Variants in ZNF385B observed in about 807,000 individuals in gnomAD.
The protein encoded by ZNF385B is zinc finger protein 533.
A neutral mutation model predicts 39.2 loss-of-function variants in ZNF385B; 23 were observed. That is an observed-to-expected ratio of 0.59 (90% CI 0.42 to 0.83). ZNF385B has a LOEUF of 0.83. Ranked by LOEUF, ZNF385B falls within the 40% of genes least tolerant of loss-of-function variation. The pLI, the probability that ZNF385B is intolerant of heterozygous loss-of-function variation, is 0.00. For missense variants in ZNF385B, 552 were observed against 598.9 expected, an observed-to-expected ratio of 0.92 and a Z score of 0.82; for synonymous variants, 205 against 222.6, an observed-to-expected ratio of 0.92 and a Z score of 0.70.
At chr2:179,697,622 C>G (rs1459008162) in intron 3 of ZNF385B, among the ~76,000 whole-genome samples, 1 of 152,200 alleles carries the variant, frequency 6.6e-6, no homozygotes, top group Non-Finnish European at 1.5e-5. Flanking sequence ...CACAGTCCAA[C>G]TGGAGATTAG....
At chr2:179,471,712 A>G (rs1257502981) in intron 6 of ZNF385B, among the ~76,000 whole-genome samples, 1 of 152,186 alleles carries the variant, frequency 6.6e-6, no homozygotes, top group Admixed American at 6.5e-5. Context: ...CTAAAAACTG[A>G]CAATTGGATT....
At chr2:179,751,305 T>A (rs866979844) in intron 3 of ZNF385B, among the ~76,000 whole-genome samples, 14 of 151,998 alleles carry the variant, frequency 9.2e-5, no homozygotes, top group African/African-American at 2.7e-4. Context: ...TCCATACTCA[T>A]TAATAATAAG....
intron 1 of ZNF385B, among the ~76,000 whole-genome samples, chr2:179,829,026 TAA>T (rs35970804): frequency 2.1e-5 from 3 of 143,820 alleles, no homozygotes; most frequent in African/African-American, 2.5e-5. Flanking sequence ...TGGGATGGAT[TAA>T]AAAAAAAAAA....
chr2:179,608,150 C>G (rs1248606869), intron 3 of ZNF385B, among the ~76,000 whole-genome samples: 1 of 151,934 alleles, frequency 6.6e-6, no homozygotes, highest in Non-Finnish European at 1.5e-5. Context: ...CTGACCTCAG[C>G]TGATCCACCC....
At chr2:179,499,180 G>A (rs1425855189) in intron 5 of ZNF385B, among the ~76,000 whole-genome samples, 1 of 151,710 alleles carries the variant, frequency 6.6e-6, no homozygotes, top group Non-Finnish European at 1.5e-5. Context: ...GTAACAAAAA[G>A]CTCCCCAGTA....
intron 4 of ZNF385B, among the ~76,000 whole-genome samples, chr2:179,533,997 C>T (rs1210104579): frequency 1.3e-5 from 2 of 152,160 alleles, no homozygotes; most frequent in Non-Finnish European, 2.9e-5. Flanking sequence ...TATTCCCAAC[C>T]TCCACTTAAT....
intron 3 of ZNF385B, among the ~76,000 whole-genome samples, chr2:179,697,807 A>G (rs1207624497): frequency 6.6e-6 from 1 of 152,172 alleles, no homozygotes; most frequent in East Asian, 1.9e-4. Context: ...AACATGCTTG[A>G]TAGACTGGAT....
intron 3 of ZNF385B, among the ~76,000 whole-genome samples, chr2:179,576,500 A>G (rs2106015720): frequency 6.6e-6 from 1 of 152,260 alleles, no homozygotes; most frequent in Non-Finnish European, 1.5e-5. Flanking sequence ...ATTTCTATGC[A>G]TTTTTAAGAG....
intron 1 of ZNF385B, among the ~76,000 whole-genome samples, chr2:179,853,353 T>A (rs2105446223): frequency 6.6e-6 from 1 of 152,334 alleles, no homozygotes. Context: ...TACATGTGTA[T>A]CAAGTTCAGA....
At chr2:179,561,200 T>C (rs1009538920) in intron 3 of ZNF385B, among the ~76,000 whole-genome samples, 6 of 152,026 alleles carry the variant, frequency 3.9e-5, no homozygotes, top group African/African-American at 1.2e-4. Context: ...GATCATCCCC[T>C]GTTTTTCTGA....
intron 3 of ZNF385B, among the ~76,000 whole-genome samples, chr2:179,756,370 C>T (rs756919644): frequency 2.0e-5 from 3 of 152,192 alleles, no homozygotes; most frequent in Non-Finnish European, 2.9e-5. Context: ...GATGGGCTTC[C>T]TTTGTGGGTA....
rs1574701040 is a variant in ZNF385B at position 179,542,172 on chromosome 2, G to A, written c.441+2655C>T. Reference sequence around the variant, plus strand: ...TATTGGGTGAGTTGGACACTAGAATGGAAATGTCTGTAGGAAAAGAATTAA... The same window carrying A: ...TATTGGGTGAGTTGGACACTAGAATAGAAATGTCTGTAGGAAAAGAATTAA... On this transcript the variant is annotated intron_variant, in intron 4 of 9. Transcript: ENST00000410066. Among the ~76,000 whole-genome samples, 3 of 152,252 alleles carry A rather than the reference G, an allele frequency of 2.0e-5. No individual in the cohort carries two copies. In the South Asian group the frequency reaches 6.2e-4, roughly 32 times the overall value.
chr2:179,577,890 T>C (rs1438309386), intron 3 of ZNF385B, among the ~76,000 whole-genome samples: 2 of 152,144 alleles, frequency 1.3e-5, no homozygotes, highest in Admixed American at 1.3e-4. Context: ...ACTCTCATAA[T>C]GTTTTTAAGC....
intron 3 of ZNF385B, among the ~76,000 whole-genome samples, chr2:179,623,333 C>T (rs901348481): frequency 4.0e-5 from 6 of 151,754 alleles, no homozygotes; most frequent in Non-Finnish European, 7.4e-5. Flanking sequence ...AATTCTGCAC[C>T]TTCATAAGTT....
At chr2:179,452,219 T>C (rs2050218604) in intron 6 of ZNF385B, among the ~76,000 whole-genome samples, 1 of 152,134 alleles carries the variant, frequency 6.6e-6, no homozygotes, top group Non-Finnish European at 1.5e-5. Context: ...TTTCCAAAGC[T>C]CCAAATGCTT....
At chr2:179,471,381 C>G (rs2052759806) in intron 6 of ZNF385B, among the ~76,000 whole-genome samples, 1 of 152,174 alleles carries the variant, frequency 6.6e-6, no homozygotes, top group Non-Finnish European at 1.5e-5. Flanking sequence ...AGTTTTCAAA[C>G]TGGGCTCTGT....
chr2:179,549,470 T>C (rs1341154436), intron 3 of ZNF385B, among the ~76,000 whole-genome samples: 2 of 149,462 alleles, frequency 1.3e-5, no homozygotes, highest in Non-Finnish European at 3.0e-5. Flanking sequence ...CAATTTTTCC[T>C]GGCCTGCCTA....
chr2:179,466,943 A>AAGAGAGAG (rs1553560224), intron 6 of ZNF385B, among the ~76,000 whole-genome samples: 2 of 145,916 alleles, frequency 1.4e-5, no homozygotes, highest in African/African-American at 5.0e-5. Flanking sequence ...AAAAAAAAAA[A>AAGAGAGAG]AGAGAGAGAG....
intron 3 of ZNF385B, among the ~76,000 whole-genome samples, chr2:179,643,130 T>TG (rs1225592042): frequency 1.3e-3 from 2 of 1,532 alleles, no homozygotes; most frequent in African/African-American, 9.6e-4. Flanking sequence ...AAACTATTTT[T>TG]GTTTTTTTTT....
Sources: gnomAD v4.1 joint callset for allele counts (sites outside exome capture counted in the v4.1 genomes callset) on GRCh38, gnomAD v4.1.1 for gene constraint, MANE v1.5 for transcripts, NCBI Gene and HGNC (gene_info 2026-07-23, HGNC 2026-07-21) for gene names.